TLCD4: variants seen among roughly 807,000 people sequenced by gnomAD.
TLCD4 encodes the protein TLC domain containing 4, also known as TLC domain-containing protein 4.
A neutral mutation model predicts 24.2 loss-of-function variants in TLCD4; 7 were observed. That is an observed-to-expected ratio of 0.29 (90% confidence interval 0.16 to 0.54). The LOEUF is 0.54. Among genes scored for constraint, TLCD4 ranks in the 20% least tolerant of loss-of-function variants. The pLI is 0.95. For synonymous variants in TLCD4, 103 were observed against 106.4 expected (o/e 0.97, Z 0.20); for missense variants, 259 against 313.9 (o/e 0.82, Z 1.32).
At chr1:95,190,634 C>T (rs1364019000) in intron 6 of TLCD4, among the ~76,000 whole-genome samples, 1 of 151,288 alleles carries the variant, frequency 6.6e-6, no homozygotes, top group Non-Finnish European at 1.5e-5. Flanking sequence ...GCTGGCCAGG[C>T]TGGTTTCAAA....
intron 1 of TLCD4, among the ~76,000 whole-genome samples, chr1:95,134,160 A>G (rs1359972487): frequency 4.6e-5 from 7 of 152,114 alleles, no homozygotes; most frequent in Admixed American, 3.9e-4. Flanking sequence ...GGTGGCATGG[A>G]AGACATGCCA....
At chr1:95,166,480 C>G (rs1348933666) in intron 5 of TLCD4, among the ~76,000 whole-genome samples, 1 of 152,166 alleles carries the variant, frequency 6.6e-6, no homozygotes, top group Non-Finnish European at 1.5e-5. Context: ...AAAGTAACAA[C>G]TACTTTTGGA....
At chr1:95,108,679 A>G in the TLCD4 span, among the ~76,000 whole-genome samples, 6 of 152,220 alleles carry the variant, frequency 3.9e-5, no homozygotes, top group Admixed American at 2.0e-4. Flanking sequence ...CCCATTTGGA[A>G]TATTTACTAG....
At chr1:95,162,402 T>A (rs771743684) in intron 5 of TLCD4, among the ~76,000 whole-genome samples, 6 of 145,278 alleles carry the variant, frequency 4.1e-5, no homozygotes, top group Non-Finnish European at 9.3e-5. Context: ...TGTCTTTGCA[T>A]GTGAGATGGG....
intron 1 of TLCD4, among the ~76,000 whole-genome samples, chr1:95,127,113 G>A (rs1676762062): frequency 6.6e-6 from 1 of 152,210 alleles, no homozygotes; most frequent in Admixed American, 6.5e-5. Flanking sequence ...GGTCACAGAG[G>A]TTGTGTTGTT....
the TLCD4 span, among the ~76,000 whole-genome samples, chr1:95,103,938 C>G: frequency 6.6e-6 from 1 of 152,172 alleles, no homozygotes; most frequent in African/African-American, 2.4e-5. Flanking sequence ...CTTTCTCTTT[C>G]TGTACTAACA....
rs771361041 is a variant in TLCD4, at chr1:95,191,575, C to G, written c.499C>G (p.Pro167Ala). ...GTGGTTCTTTGAAGCTCTGAAGTAT[C>G]CCAAGTTTTCTAAAGCTATCGTTAT... Reference protein sequence around the residue: ...QRWFFEALKYPKFSKAIVING... With the variant: ...QRWFFEALKYAKFSKAIVING... The change falls in exon 7 of 7, where the codon CCC becomes GCC. Residue 167 changes from proline (P) to alanine (A), a missense_variant. Physicochemically the swap from Pro to Ala is conservative, Grantham distance 27 (BLOSUM62 -1). Coordinates refer to ENST00000370203, the MANE Select transcript of TLCD4 (RefSeq NM_152487.3). The G allele has an allele frequency of 6.2e-7, 1 of 1,612,716 alleles. No homozygotes were observed. Among genetic ancestry groups the G allele is most frequent in the African/African-American group, 1.3e-5 (1 of 74,818 alleles).
intron 2 of TLCD4, among the ~76,000 whole-genome samples, chr1:95,147,756 TC>T (rs1293944696): frequency 6.8e-6 from 1 of 146,264 alleles, no homozygotes; most frequent in East Asian, 2.0e-4. Flanking sequence ...TCATTTTTTA[TC>T]CTAATGAAGT....
intron 5 of TLCD4, among the ~76,000 whole-genome samples, chr1:95,157,223 TTAACA>T (rs1406044860): frequency 6.6e-6 from 1 of 152,190 alleles, no homozygotes; most frequent in African/African-American, 2.4e-5. Context: ...ATTTACTTAC[TTAACA>T]TTTACATTTA....
rs1571795800 is a variant in TLCD4 at position 95,191,808 on chromosome 1, C to A, written c.732C>A (p.Val244=). 1.2e-6 allele frequency: 2 copies of A among 1,614,006 alleles called. No homozygotes were observed. The highest frequency in any genetic ancestry group is 8.5e-7 in the Non-Finnish European group (1 of 1,180,026). The change falls in exon 7 of 7, where the codon GTC becomes GTA. Residue 244 remains valine, a synonymous_variant. Transcript: ENST00000370203. The part of the protein sequence containing the change: ...MIKISKGCIK[V]ISHIRQEKAK... ...AAATTTCAAAAGGTTGCATCAAAGT[C>A]ATCTCTCACATCAGACAAGAGAAAG... is the stretch of plus-strand genomic sequence containing the variant.
intron 5 of TLCD4, chr1:95,165,019 C>A (rs1677965212): frequency 1.3e-5 from 2 of 152,214 alleles, no homozygotes. Context: ...TCCCACATAC[C>A]TGCTCCAGGA....
At chr1:95,152,098 T>C (rs1006881870) in intron 5 of TLCD4, among the ~76,000 whole-genome samples, 1 of 152,110 alleles carries the variant, frequency 6.6e-6, no homozygotes. Context: ...GTTGCTTTTT[T>C]GATATGTCTA....
chr1:95,133,735 G>C (rs981801403), intron 1 of TLCD4, among the ~76,000 whole-genome samples: 3 of 151,934 alleles, frequency 2.0e-5, no homozygotes, highest in African/African-American at 7.3e-5. Context: ...GGTTGGAGTG[G>C]AGGGCAGTGT....
At chr1:95,114,210 G>A (rs1298386057), upstream of TLCD4, among the ~76,000 whole-genome samples, 6 of 152,128 alleles carry the variant, frequency 3.9e-5, no homozygotes, top group Non-Finnish European at 7.3e-5. Flanking sequence ...ACAGACATAA[G>A]CCAGTGTGCC....
rs1052778072 is a variant in TLCD4 at position 95,161,214 on chromosome 1, T to A, written c.399+9795T>A. On this transcript the variant is annotated intron_variant, in intron 5 of 6. Coordinates refer to ENST00000370203, the MANE Select transcript of TLCD4 (RefSeq NM_152487.3). ...TTGGTCTATTCAGGGATTCAACTTCTTCCTGGTTTAGTCTTGGGAGGGTGT... is the reference window on the plus strand; with the variant it reads ...TTGGTCTATTCAGGGATTCAACTTCATCCTGGTTTAGTCTTGGGAGGGTGT... 5.3e-5 allele frequency among the ~76,000 whole-genome samples: 8 copies of A among 152,210 alleles called. 1 individual carries two copies. The South Asian group carries it at 8.3e-4, about 16-fold the overall frequency.
Position 95,151,332 on chromosome 1 carries a change from C to A in TLCD4, c.312C>A (p.Ser104=). The A allele has an allele frequency of 6.2e-7, 1 of 1,612,828 alleles. No individual in the cohort carries two copies. Among genetic ancestry groups the A allele is most frequent in the Non-Finnish European group, 8.5e-7 (1 of 1,179,284 alleles). The change falls in exon 5 of 7, where the codon TCC becomes TCA. Residue 104 remains serine (S), a synonymous_variant. Transcript: ENST00000370203. ...IASGYLISDL[S]IIILYWKVIG... is the part of the protein sequence containing the mutation. ...CACTTTTCTTTCTTACAGATTTGTC[C>A]ATTATAATTTTGTATTGGAAAGTGA...
At chr1:95,152,602 G>T (rs981400896) in intron 5 of TLCD4, among the ~76,000 whole-genome samples, 12 of 152,078 alleles carry the variant, frequency 7.9e-5, no homozygotes, top group African/African-American at 2.9e-4. Flanking sequence ...TGGAATTTAA[G>T]GTATTATAGG....
chr1:95,143,707 A>C (rs1193453557), intron 1 of TLCD4, among the ~76,000 whole-genome samples, 184 bp from the exon 2 acceptor site: 2 of 152,180 alleles, frequency 1.3e-5, no homozygotes, highest in Non-Finnish European at 2.9e-5. Flanking sequence ...CATAAGATAC[A>C]TGACAAATAG....
chr1:95,117,562 C>T lies in TLCD4; in HGVS notation c.-67C>T, dbSNP rs1296014933. On this transcript the variant is annotated 5_prime_UTR_variant, in exon 1 of 7. Coordinates refer to ENST00000370203, the MANE Select transcript of TLCD4 (RefSeq NM_152487.3). ...GACTCCTGTAGACACCCGCCGCCCT[C>T]TCCCGGCTCGGCGCAGCCGCCGCCC... 6.5e-6 allele frequency: 1 copy of T among 153,352 alleles called. No homozygotes were observed. The highest frequency in any genetic ancestry group is 1.4e-5 in the Non-Finnish European group (1 of 69,128). The allele number at this position is 153,352 out of a possible 1,614,324, so 9.5% of individuals were successfully genotyped here. A position where few individuals can be genotyped will look rare whatever the true frequency, so the allele number is the denominator to read the frequency against.
Sources: gnomAD v4.1 joint callset for allele counts (sites outside exome capture counted in the v4.1 genomes callset) on GRCh38, gnomAD v4.1.1 for gene constraint, MANE v1.5 for transcripts, NCBI Gene and HGNC (gene_info 2026-07-23, HGNC 2026-07-21) for gene names.